VIT: variants seen among roughly 807,000 people sequenced by gnomAD.
VIT encodes the protein vitrin.
A neutral mutation model predicts 78.0 loss-of-function variants in VIT; 99 were observed. That is an observed-to-expected ratio of 1.27 (90% CI 1.08 to 1.50). The LOEUF is 1.50. Ranked by LOEUF, VIT falls within the 40% of genes most tolerant of loss-of-function variation. The pLI is 0.00. For synonymous variants in VIT, 374 were observed against 334.3 expected, an observed-to-expected ratio of 1.12 and a Z score of -1.29; for missense variants, 1,126 against 875.3, an observed-to-expected ratio of 1.29 and a Z score of -3.61.
At position 36,808,951 on chromosome 2, in the gene VIT, C is replaced by T. The variant is rs201155528; in HGVS notation, c.1869C>T (p.Asp623=). The T allele has an allele frequency of 9.4e-6, 15 of 1,601,828 alleles. No homozygotes were observed. The highest frequency in any genetic ancestry group is 6.7e-5 in the East Asian group (3 of 44,654). The change falls in exon 15 of 16, where the codon GAC becomes GAT. Residue 623 remains aspartate, a synonymous_variant. Coordinates refer to ENST00000379242, the MANE Select transcript of VIT (RefSeq NM_053276.4). ...ILITDGRSYD[D]VRIPAMAAHL... The stretch of plus-strand genomic sequence containing the variant: ...TCACCGACGGGAGGTCCTACGACGA[C>T]GTCCGGATCCCAGCCATGGCTGCCC...
chr2:36,762,790 A>G (rs1289051371), intron 6 of VIT, among the ~76,000 whole-genome samples: 1 of 152,094 alleles, frequency 6.6e-6, no homozygotes, highest in Admixed American at 6.5e-5. Context: ...AAGCATGACA[A>G]CCTTCTACCA....
intron 12 of VIT, among the ~76,000 whole-genome samples, chr2:36,796,798 T>C (rs1171043673): frequency 6.6e-6 from 1 of 152,126 alleles, no homozygotes; most frequent in Non-Finnish European, 1.5e-5. Flanking sequence ...CCTTTATATT[T>C]TTGCTTTTTA....
chr2:36,725,933 T>C (rs531773831), intron 2 of VIT, among the ~76,000 whole-genome samples: 14 of 152,204 alleles, frequency 9.2e-5, no homozygotes, highest in African/African-American at 3.1e-4. Flanking sequence ...TAGCCAGGCA[T>C]GTTGGTGTCC....
chr2:36,772,896 G>T (rs1669843353), intron 7 of VIT, among the ~76,000 whole-genome samples: 3 of 152,032 alleles, frequency 2.0e-5, no homozygotes. Flanking sequence ...TGGGTTTTAC[G>T]TGCCTCTCTT....
intron 2 of VIT, among the ~76,000 whole-genome samples, chr2:36,723,979 A>AG (rs143310946): frequency 0.18 from 18,317 of 99,234 alleles, 1,516 homozygotes; most frequent in East Asian, 0.24. Flanking sequence ...AGGGGAGGGG[A>AG]GGGGGGGGAT....
chr2:36,762,879 G>A (rs1572495036), intron 6 of VIT, among the ~76,000 whole-genome samples: 1 of 152,242 alleles, frequency 6.6e-6, no homozygotes, highest in Admixed American at 6.5e-5. Flanking sequence ...GGCGTTCCCT[G>A]AGGTTTAAAT....
chr2:36,710,894 T>C (rs897201086), intron 1 of VIT, among the ~76,000 whole-genome samples: 1 of 152,152 alleles, frequency 6.6e-6, no homozygotes, highest in Non-Finnish European at 1.5e-5. Context: ...TACGGACATA[T>C]ACTTTCATTC....
chr2:36,766,588 C>T (rs1487204419), intron 6 of VIT, among the ~76,000 whole-genome samples: 1 of 152,006 alleles, frequency 6.6e-6, no homozygotes, highest in African/African-American at 2.4e-5. Context: ...AGTTCTATTA[C>T]CCCATTTTAC....
At chr2:36,771,701 A>G (rs186670365) in intron 7 of VIT, among the ~76,000 whole-genome samples, 24 of 152,292 alleles carry the variant, frequency 1.6e-4, no homozygotes, top group African/African-American at 5.5e-4. Flanking sequence ...CACTTCCAGG[A>G]ATATATCCTA....
chr2:36,705,345 G>T (rs977597921), intron 1 of VIT, among the ~76,000 whole-genome samples: 1 of 152,098 alleles, frequency 6.6e-6, no homozygotes, highest in Non-Finnish European at 1.5e-5. Flanking sequence ...TTTCCCACTG[G>T]CAATATAAGA....
rs746582227 is a variant in VIT, at chr2:36,808,981, G to A, written c.1899G>A (p.Leu633=). The change falls in exon 15 of 16, where the codon CTG becomes CTA. Residue 633 remains leucine (L), a synonymous_variant. Coordinates refer to ENST00000379242, the MANE Select transcript of VIT (RefSeq NM_053276.4). ...GGATCCCAGCCATGGCTGCCCATCT[G>A]AAGGGTAAGCTGGGCTTGCCAAGCA... ...DVRIPAMAAH[L]KGVITYAIGV... 1.3e-6 allele frequency: 2 copies of A among 1,580,536 alleles called. No homozygotes were observed. The highest frequency in any genetic ancestry group is 2.4e-5 in the South Asian group (2 of 84,572).
chr2:36,787,292 G>A lies in VIT; in HGVS notation c.1058+16G>A. 1 of 1,600,424 alleles carries A rather than the reference G, an allele frequency of 6.2e-7. No individual in the cohort carries two copies. ...TCCAGTATGGGTAAGTGCAGTTAAT[G>A]TTCTGAATCCAGAAAGGAAGTCATG... On this transcript the variant is annotated intron_variant, in intron 12 of 15. Transcript: ENST00000379242.
intron 6 of VIT, among the ~76,000 whole-genome samples, chr2:36,762,104 C>T (rs1156298302): frequency 6.6e-6 from 1 of 152,172 alleles, no homozygotes; most frequent in Non-Finnish European, 1.5e-5. Context: ...TTGGTTTGTA[C>T]GTTCTCCGCA....
At chr2:36,784,283 A>C (rs530497659) in intron 11 of VIT, among the ~76,000 whole-genome samples, 1 of 152,360 alleles carries the variant, frequency 6.6e-6, no homozygotes, top group African/African-American at 2.4e-5. Context: ...ACCTTGCTGC[A>C]TATGAGAATC....
intron 6 of VIT, among the ~76,000 whole-genome samples, chr2:36,764,040 T>C (rs1182960562): frequency 6.6e-6 from 1 of 152,248 alleles, no homozygotes; most frequent in Non-Finnish European, 1.5e-5. Flanking sequence ...CTTCAGCCTT[T>C]CTTTAGCAAA....
chr2:36,778,686 C>A (rs764364187), intron 9 of VIT, among the ~76,000 whole-genome samples: 2 of 152,164 alleles, frequency 1.3e-5, no homozygotes, highest in Non-Finnish European at 2.9e-5. Flanking sequence ...TTGTGTGATG[C>A]GCTACCAGCA....
rs1045834841 is a variant in VIT at position 36,696,980 on chromosome 2, C to G, written c.-19+7C>G. 1 of 152,076 alleles carries G rather than the reference C, an allele frequency of 6.6e-6. No individual in the cohort carries two copies. Among genetic ancestry groups the G allele is most frequent in the Non-Finnish European group, 1.5e-5 (1 of 68,012 alleles). 9.4% of individuals were successfully genotyped at this position (152,076 alleles called of 1,614,324 possible). On this transcript the variant is annotated splice_region_variant and intron_variant, in intron 1 of 15. Coordinates refer to ENST00000379242, the MANE Select transcript of VIT (RefSeq NM_053276.4). ...ATTGCCTTCTTCAAACAAGGTATGT[C>G]TGATGAATTTCTAAGCTGTGTATAT...
At chr2:36,764,580 A>G (rs554865126) in intron 6 of VIT, among the ~76,000 whole-genome samples, 1 of 152,362 alleles carries the variant, frequency 6.6e-6, no homozygotes, top group South Asian at 2.1e-4. Flanking sequence ...AGGCAAATTT[A>G]AAGGTGACCA....
At chr2:36,779,983 A>T (rs1250135102) in intron 9 of VIT, among the ~76,000 whole-genome samples, 1 of 152,100 alleles carries the variant, frequency 6.6e-6, no homozygotes, top group Admixed American at 6.6e-5. Flanking sequence ...TCTTTGGTTG[A>T]CCCAGGATGG....
Sources: gnomAD v4.1 joint callset for allele counts (sites outside exome capture counted in the v4.1 genomes callset) on GRCh38, gnomAD v4.1.1 for gene constraint, MANE v1.5 for transcripts, NCBI Gene and HGNC (gene_info 2026-07-23, HGNC 2026-07-21) for gene names.